PLAGL1: variants seen among roughly 807,000 people sequenced by gnomAD.
PLAGL1 encodes the protein PLAG1 like zinc finger 1, also known as zinc finger protein PLAGL1.
In PLAGL1, 1 loss-of-function variant was observed where a neutral mutation model predicts 4.6. The observed-to-expected ratio is 0.22, with a 90% confidence interval of 0.08 to 1.03. The LOEUF (loss-of-function observed/expected upper bound fraction) is 1.03. Among genes scored for constraint, PLAGL1 ranks in the 50% least tolerant of loss-of-function variants. The pLI, the probability that PLAGL1 is intolerant of heterozygous loss-of-function variation, is 0.58. For missense variants in PLAGL1, 464 were observed against 570.4 expected (o/e 0.81, Z 1.90); for synonymous variants, 240 against 237.8 (o/e 1.01, Z -0.08).
chr6:144,041,650 C>T (rs928943207), intron 1 of PLAGL1, among the ~76,000 whole-genome samples: 2 of 152,134 alleles, frequency 1.3e-5, no homozygotes, highest in Non-Finnish European at 2.9e-5. Flanking sequence ...CATACAATAT[C>T]TGCATGTGTC....
In PLAGL1 at chr6:143,970,608, G is replaced by T. The variant is rs1292149938; in HGVS notation, c.-543-1630C>A. 6.6e-6 allele frequency among the ~76,000 whole-genome samples: 1 copy of T among 152,158 alleles called. No homozygotes were observed. The highest frequency in any genetic ancestry group is 2.4e-5 in the African/African-American group (1 of 41,424). ...CTGCTTTATTTGGTCAGTCTGGGTG[G>T]ACGGGAAACTGTCTAAGAGGGAAAT... is the stretch of plus-strand genomic sequence containing the variant. On this transcript the variant is annotated intron_variant, in intron 2 of 7. Coordinates refer to ENST00000674357, the MANE Select transcript of PLAGL1 (RefSeq NM_001317162.2). This position sits in a 1 kb window ranked among gnomAD's most constrained non-coding sequence, Gnocchi z 5.8.
In PLAGL1 at chr6:143,990,696, C is replaced by T. The variant is rs1000629284; in HGVS notation, c.-583-5522G>A. On this transcript the variant is annotated intron_variant, in intron 1 of 7. Coordinates refer to ENST00000674357, the MANE Select transcript of PLAGL1 (RefSeq NM_001317162.2). This position sits in a 1 kb window ranked among gnomAD's most constrained non-coding sequence, Gnocchi z 5.4. ...GATTACTAGGTTGAGATAGTAAAAA[C>T]GTACCTTCCCTTCAAGATATGCAAG... is the stretch of plus-strand genomic sequence containing the variant. Among the ~76,000 whole-genome samples, 7 of 152,188 alleles carry T rather than the reference C, an allele frequency of 4.6e-5. No individual in the cohort carries two copies. The highest frequency in any genetic ancestry group is 2.4e-5 in the African/African-American group (1 of 41,446).
chr6:144,029,192 C>A (rs998785171), intron 1 of PLAGL1, among the ~76,000 whole-genome samples: 8 of 152,260 alleles, frequency 5.3e-5, no homozygotes, highest in Non-Finnish European at 1.0e-4. Context: ...GAATGAACAT[C>A]TTTACATATA....
At position 143,955,726 on chromosome 6, in the gene PLAGL1, T is replaced by C. The variant is rs1435932803; in HGVS notation, c.-325+4743A>G. Among the ~76,000 whole-genome samples the C allele has an allele frequency of 2.0e-5, 3 of 152,134 alleles. No homozygotes were observed. The highest frequency in any genetic ancestry group is 7.2e-5 in the African/African-American group (3 of 41,498). ...CTTGCCACCAGATTTCACTTTTTGATGGTAACTCTGGCAGGGACGTATAAG... is the reference window on the plus strand; with the variant it reads ...CTTGCCACCAGATTTCACTTTTTGACGGTAACTCTGGCAGGGACGTATAAG... On this transcript the variant is annotated intron_variant, in intron 6 of 7. Coordinates refer to ENST00000674357, the MANE Select transcript of PLAGL1 (RefSeq NM_001317162.2). The surrounding 1 kb of genome is among the most constrained non-coding windows in gnomAD (Gnocchi z 4.9).
chr6:144,050,182 A>G lies in PLAGL1; in HGVS notation c.-151+14286T>C, dbSNP rs925331912. 6.6e-6 allele frequency among the ~76,000 whole-genome samples: 1 copy of G among 152,146 alleles called. No individual in the cohort carries two copies. The highest frequency in any genetic ancestry group is 2.4e-5 in the African/African-American group (1 of 41,414). On this transcript the variant is annotated intron_variant, in intron 1 of 3. Coordinates refer to the PLAGL1 transcript ENST00000437412. The surrounding 1 kb of genome is among the most constrained non-coding windows in gnomAD (Gnocchi z 4.3). ...GTGAGTTTTGAGGGAAATTGAGACC[A>G]CCTAAGGGAACAAGAGATTCACATT...
chr6:144,001,611 CCTTT>C (rs1418518481), intron 1 of PLAGL1, among the ~76,000 whole-genome samples: 1 of 152,102 alleles, frequency 6.6e-6, no homozygotes, highest in Non-Finnish European at 1.5e-5. Context: ...TCCCTCCCTT[CCTTT>C]GACTGTGGAC....
In PLAGL1 at chr6:143,997,557, G is replaced by A. The variant is rs886729283; in HGVS notation, c.-584+10533C>T. On this transcript the variant is annotated intron_variant, in intron 1 of 7. Transcript: ENST00000674357. The surrounding 1 kb of genome is among the most constrained non-coding windows in gnomAD (Gnocchi z 4.6). ...CTGTTTGGTTATACTTAAAATTCAA[G>A]AATAGACAAAACAGGGAGGCTCAGG... Among the ~76,000 whole-genome samples the A allele has an allele frequency of 2.0e-5, 3 of 152,172 alleles. No individual in the cohort carries two copies. The highest frequency in any genetic ancestry group is 7.2e-5 in the African/African-American group (3 of 41,432).
intron 1 of PLAGL1, among the ~76,000 whole-genome samples, chr6:143,996,890 T>G (rs879354730): frequency 6.6e-6 from 1 of 152,202 alleles, no homozygotes; most frequent in Non-Finnish European, 1.5e-5. Context: ...TAATTTGAGA[T>G]AGATGATGGA....
chr6:144,011,265 A>C (rs1217936570), upstream of PLAGL1, among the ~76,000 whole-genome samples: 1 of 152,232 alleles, frequency 6.6e-6, no homozygotes, highest in Non-Finnish European at 1.5e-5. The surrounding 1 kb of genome is among the most constrained non-coding windows in gnomAD (Gnocchi z 4.3). Flanking sequence ...TAAGAAAAAA[A>C]CAACTCCATC....
In PLAGL1 at chr6:143,963,333, A is replaced by G. The variant is rs1562441518; in HGVS notation, c.-399+1454T>C. ...ACCTCCCTCCCGCAGCTCTCGGGAT[A>G]CCTTGCAGTGCCCCTTCAAGGTCAC... On this transcript the variant is annotated intron_variant, in intron 5 of 7. Coordinates refer to ENST00000674357, the MANE Select transcript of PLAGL1 (RefSeq NM_001317162.2). This position sits in a 1 kb window ranked among gnomAD's most constrained non-coding sequence, Gnocchi z 6.1. 6.6e-6 allele frequency among the ~76,000 whole-genome samples: 1 copy of G among 152,156 alleles called. No individual in the cohort carries two copies. The highest frequency in any genetic ancestry group is 1.5e-5 in the Non-Finnish European group (1 of 68,036).
chr6:143,956,887 C>T (rs1782258405), intron 6 of PLAGL1, among the ~76,000 whole-genome samples: 1 of 152,228 alleles, frequency 6.6e-6, no homozygotes, highest in Non-Finnish European at 1.5e-5. Flanking sequence ...GAGCTGGGAT[C>T]TGTCACCCCA....
rs2128526010 is a variant in PLAGL1 at position 143,950,516 on chromosome 6, A to G, written c.-324-2056T>C. The stretch of plus-strand genomic sequence containing the variant: ...ACCGGCCCAGCTATAAAACACACTC[A>G]TTCACTTAGAATTGCTCTGTGTTCT... On this transcript the variant is annotated intron_variant, in intron 6 of 7. Coordinates refer to ENST00000674357, the MANE Select transcript of PLAGL1 (RefSeq NM_001317162.2). The surrounding 1 kb of genome is among the most constrained non-coding windows in gnomAD (Gnocchi z 6.3). 6.6e-6 allele frequency among the ~76,000 whole-genome samples: 1 copy of G among 152,362 alleles called. No homozygotes were observed. Among genetic ancestry groups the G allele is most frequent in the African/African-American group, 2.4e-5 (1 of 41,588 alleles).
chr6:143,999,003 C>CT (rs1324949882), intron 1 of PLAGL1, among the ~76,000 whole-genome samples: 1 of 152,016 alleles, frequency 6.6e-6, no homozygotes, highest in Non-Finnish European at 1.5e-5. Context: ...CACTAAAGGA[C>CT]TTTTTCAGGG....
upstream of PLAGL1, among the ~76,000 whole-genome samples, chr6:144,011,517 G>A (rs772668879): frequency 9.5e-4 from 144 of 152,120 alleles, no homozygotes; most frequent in Non-Finnish European, 1.1e-3. This position sits in a 1 kb window ranked among gnomAD's most constrained non-coding sequence, Gnocchi z 4.3. Context: ...CTATGCCTCT[G>A]TGTCAGTTAT....
At chr6:144,009,897 T>C (rs1795025630), upstream of PLAGL1, among the ~76,000 whole-genome samples, 1 of 152,236 alleles carries the variant, frequency 6.6e-6, no homozygotes, top group Admixed American at 6.5e-5. Flanking sequence ...ATGTGCCACA[T>C]TTTCTTAATC....
At chr6:144,033,901 G>A (rs981526658) in intron 1 of PLAGL1, among the ~76,000 whole-genome samples, 3 of 152,164 alleles carry the variant, frequency 2.0e-5, no homozygotes, top group Non-Finnish European at 4.4e-5. Flanking sequence ...TAAGTCTGAG[G>A]TAATGAGACT....
chr6:144,050,501 T>G lies in PLAGL1; in HGVS notation c.-151+13967A>C, dbSNP rs1798503464. The stretch of plus-strand genomic sequence containing the variant: ...TCTACACTCTTTTAAGGCTGTCTCT[T>G]CTCTATGTTTATGTCTCTATTATTA... On this transcript the variant is annotated intron_variant, in intron 1 of 3. Transcript: ENST00000437412. The surrounding 1 kb of genome is among the most constrained non-coding windows in gnomAD (Gnocchi z 4.3). 6.6e-6 allele frequency among the ~76,000 whole-genome samples: 1 copy of G among 152,208 alleles called. No homozygotes were observed. Among genetic ancestry groups the G allele is most frequent in the Non-Finnish European group, 1.5e-5 (1 of 68,034 alleles).
chr6:144,014,862 G>T (rs546910715), intron 1 of PLAGL1, among the ~76,000 whole-genome samples: 54 of 152,188 alleles, frequency 3.5e-4, no homozygotes, highest in Non-Finnish European at 5.9e-4. Flanking sequence ...TTACAGGTGT[G>T]AGCCACTGTC....
At position 144,050,341 on chromosome 6, in the gene PLAGL1, A is replaced by T. The variant is rs771733884; in HGVS notation, c.-151+14127T>A. Among the ~76,000 whole-genome samples the T allele has an allele frequency of 1.3e-5, 2 of 152,186 alleles. No homozygotes were observed. Among genetic ancestry groups the T allele is most frequent in the Non-Finnish European group, 2.9e-5 (2 of 68,028 alleles). ...ACTCAACTAAGTGAAATATGTCCAT[A>T]ACACAATGCTGCCAGAAGGTCTTTG... On this transcript the variant is annotated intron_variant, in intron 1 of 3. Transcript: ENST00000437412. The surrounding 1 kb of genome is among the most constrained non-coding windows in gnomAD (Gnocchi z 4.3).
Sources: allele counts gnomAD v4.1 joint callset (sites outside exome capture counted in the v4.1 genomes callset), GRCh38; gene constraint gnomAD v4.1.1; non-coding constraint Gnocchi (gnomAD v3.1); transcripts MANE v1.5; gene names NCBI Gene and HGNC (gene_info 2026-07-23, HGNC 2026-07-21).